The following AOX1 variants were observed in gnomAD, a reference collection of about 807,000 sequenced individuals.
The protein encoded by AOX1 is aldehyde oxidase 1.
Under a neutral mutation model 169.5 loss-of-function variants are expected in AOX1, and 153 were observed. The observed-to-expected ratio is 0.90, with a 90% CI of 0.79 to 1.03. The LOEUF (loss-of-function observed/expected upper bound fraction) is 1.03, where lower values mean the gene tolerates loss of function less well. Among genes scored for constraint, AOX1 ranks in the 50% least tolerant of loss-of-function variants. The pLI is 0.00. For synonymous variants in AOX1, 562 were observed against 581.9 expected (o/e 0.97, Z 0.49); for missense variants, 1,656 against 1,663.9 (o/e 1.00, Z 0.08).
At chr2:200,596,846 G>A (rs1192853318) in intron 3 of AOX1, among the ~76,000 whole-genome samples, 5 of 152,114 alleles carry the variant, frequency 3.3e-5, no homozygotes, top group Admixed American at 1.3e-4. Context: ...TATGTTCCTC[G>A]TATGGTTTAC....
intron 26 of AOX1, 72 bp from the exon 27 acceptor site, chr2:200,656,770 A>T (rs79540345): frequency 0.043 from 48,931 of 1,134,334 alleles, 1,304 homozygotes; most frequent in South Asian, 0.059. Flanking sequence ...TTCCAAGGAA[A>T]ATGTTTTAAT....
chr2:200,602,430 A>G (rs753620461), intron 6 of AOX1, 85 bp downstream of exon 6: 40 of 1,168,644 alleles, frequency 3.4e-5, no homozygotes, highest in African/African-American at 1.5e-4. Flanking sequence ...GGGGGCAGCC[A>G]TCTTACTAAT....
At chr2:200,602,221 T>A in intron 5 of AOX1, 63 bp from the exon 6 acceptor site, 1 of 1,387,092 alleles carries the variant, frequency 7.2e-7, no homozygotes, top group East Asian at 2.3e-5. Context: ...TCCATCACAC[T>A]CTTGGTAGAC....
downstream of AOX1, among the ~76,000 whole-genome samples, chr2:200,671,791 A>G (rs144248210): frequency 3.1e-3 from 477 of 152,336 alleles, 4 homozygotes; most frequent in African/African-American, 0.011. Flanking sequence ...GAAGTTAAAC[A>G]TAGAATTACC....
Position 200,642,625 on chromosome 2 carries a change from C to T in AOX1, c.2671C>T (p.Leu891Phe). 6.2e-7 allele frequency: 1 copy of T among 1,613,980 alleles called. No homozygotes were observed. Among genetic ancestry groups the T allele is most frequent in the Non-Finnish European group, 8.5e-7 (1 of 1,179,954 alleles). Residue 891 changes from leucine (L) to phenylalanine (F), a missense_variant, in exon 25 of 35, where the codon CTT becomes TTT. Coordinates refer to ENST00000374700, the MANE Select transcript of AOX1 (RefSeq NM_001159.4). ...ATTTCTCCAGGTGATAGAAATGGGACTTCTGAAAATGGACAATGCTTACAA... is the reference window on the plus strand; with the variant it reads ...ATTTCTCCAGGTGATAGAAATGGGATTTCTGAAAATGGACAATGCTTACAA... ...DESLFVIEMG[L>F]LKMDNAYKFP...
At position 200,604,697 on chromosome 2, in the gene AOX1, T is replaced by C; in HGVS notation, c.671T>C (p.Ile224Thr). Reference protein sequence around the residue: ...QELIFPPELMIMAEKQSQRTR... With the variant: ...QELIFPPELMTMAEKQSQRTR... Reference sequence around the variant, plus strand: ...GAATCCCTATTGCTTTTTCAATAGATAATGGCTGAGAAACAGTCGCAAAGG... The same window carrying C: ...GAATCCCTATTGCTTTTTCAATAGACAATGGCTGAGAAACAGTCGCAAAGG... The change falls in exon 9 of 35, where the codon ATA becomes ACA. Residue 224 changes from isoleucine to threonine, a missense_variant and splice_region_variant. Ile to Thr is a moderately conservative substitution (Grantham distance 89, BLOSUM62 -1). Transcript: ENST00000374700. The C allele has an allele frequency of 1.9e-6, 3 of 1,614,058 alleles. No individual in the cohort carries two copies. Among genetic ancestry groups the C allele is most frequent in the Non-Finnish European group, 2.5e-6 (3 of 1,179,982 alleles).
chr2:200,662,488 G>A (rs556930173), intron 30 of AOX1, among the ~76,000 whole-genome samples: 2 of 152,264 alleles, frequency 1.3e-5, no homozygotes, highest in East Asian at 3.9e-4. Flanking sequence ...GATAGACAAA[G>A]CAGGCAAGCA....
At chr2:200,653,164 T>C (rs192768370) in intron 26 of AOX1, among the ~76,000 whole-genome samples, 2 of 152,296 alleles carry the variant, frequency 1.3e-5, no homozygotes, top group East Asian at 3.9e-4. Context: ...AAAACACCTT[T>C]TGATAGGAAC....
intron 33 of AOX1, among the ~76,000 whole-genome samples, chr2:200,669,316 A>G (rs552663849): frequency 2.0e-5 from 3 of 151,976 alleles, no homozygotes; most frequent in Admixed American, 2.0e-4. Context: ...GTGGCGGTGC[A>G]TGTCTATAAT....
chr2:200,669,594 T>C lies in AOX1; in HGVS notation c.3818T>C (p.Val1273Ala), dbSNP rs772120366. The C allele has an allele frequency of 6.2e-7, 1 of 1,612,972 alleles. No homozygotes were observed. Among genetic ancestry groups the C allele is most frequent in the South Asian group, 1.1e-5 (1 of 90,990 alleles). Residue 1273 changes from valine (V) to alanine (A), a missense_variant, in exon 34 of 35, where the codon GTG (valine) becomes GCG (alanine). Physicochemically the swap from Val to Ala is moderately conservative, Grantham distance 64. Transcript: ENST00000374700. ...TTCAAGGGTCTGGGAGAGTCGGGGG[T>C]GTTCCTGGGGTGTTCCGTGTTTTTC... Reference protein sequence around the residue: ...YSSKGLGESGVFLGCSVFFAI... With the variant: ...YSSKGLGESGAFLGCSVFFAI...
chr2:200,669,694 G>A lies in AOX1; in HGVS notation c.3918G>A (p.Leu1306=). ...LHGPLTLNSP[L]TPEKIRMACE... ...GACCCTTGACCCTTAATAGTCCACT[G>A]ACCCCGGAGAAGATTAGGATGGCCT... The change falls in exon 34 of 35, where the codon CTG becomes CTA. Residue 1306 remains leucine (L), a synonymous_variant. Transcript: ENST00000374700. 2 of 1,613,990 alleles carry A rather than the reference G, an allele frequency of 1.2e-6. No individual in the cohort carries two copies. Among genetic ancestry groups the A allele is most frequent in the Non-Finnish European group, 1.7e-6 (2 of 1,180,000 alleles).
intron 5 of AOX1, among the ~76,000 whole-genome samples, chr2:200,601,885 A>G (rs2034423392): frequency 6.6e-6 from 1 of 152,070 alleles, no homozygotes; most frequent in Non-Finnish European, 1.5e-5. Flanking sequence ...ATGAGCTGAG[A>G]CTGCACCACC....
intron 32 of AOX1, among the ~76,000 whole-genome samples, chr2:200,667,767 G>A (rs973439478): frequency 1.3e-5 from 2 of 152,022 alleles, no homozygotes; most frequent in African/African-American, 4.8e-5. Flanking sequence ...GTGGGTGGAG[G>A]GCTTTTAGAG....
intron 28 of AOX1, among the ~76,000 whole-genome samples, chr2:200,659,786 TCACACA>T (rs56916091): frequency 5.6e-4 from 54 of 96,210 alleles, no homozygotes; most frequent in East Asian, 2.2e-3. Flanking sequence ...GTTCTCTCTC[TCACACA>T]CACACACACA....
chr2:200,665,332 A>C (rs1439302792), intron 31 of AOX1, among the ~76,000 whole-genome samples: 1 of 152,234 alleles, frequency 6.6e-6, no homozygotes, highest in Non-Finnish European at 1.5e-5. Flanking sequence ...GGTGAGGATT[A>C]TCCAGAGCCA....
intron 26 of AOX1, 38 bp downstream of exon 26, chr2:200,651,239 A>G: frequency 6.4e-7 from 1 of 1,572,016 alleles, no homozygotes. Flanking sequence ...GCTGCCTGGA[A>G]GCAGCCCTGA....
chr2:200,672,851 T>C (rs2036047822), downstream of AOX1, among the ~76,000 whole-genome samples: 1 of 152,120 alleles, frequency 6.6e-6, no homozygotes, highest in Non-Finnish European at 1.5e-5. Flanking sequence ...AGAGCATTAC[T>C]GGGGAGACAA....
At position 200,656,845 on chromosome 2, in the gene AOX1, G is replaced by A; in HGVS notation, c.3079G>A (p.Ala1027Thr). The part of the protein sequence containing the change: ...GLGSRAAGQA[A>T]ALVHIYLDGS... ...AGTTTTCGTCTTTTCTGCTCAGGCT[G>A]CTGCCTTGGTTCACATTTATCTTGA... The change falls in exon 27 of 35, where the codon GCT becomes ACT. Residue 1027 changes from alanine to threonine, a missense_variant. By Grantham distance (58) the Ala-to-Thr change is moderately conservative. Transcript: ENST00000374700. 1 of 1,571,062 alleles carries A rather than the reference G, an allele frequency of 6.4e-7. No homozygotes were observed.
intron 31 of AOX1, among the ~76,000 whole-genome samples, chr2:200,664,960 AG>A (rs1218539367): frequency 1.3e-5 from 2 of 152,168 alleles, no homozygotes; most frequent in African/African-American, 4.8e-5. Flanking sequence ...CTGGGGCAAC[AG>A]TCATCTCAAG....
Sources: allele counts gnomAD v4.1 joint callset (sites outside exome capture counted in the v4.1 genomes callset), GRCh38; gene constraint gnomAD v4.1.1; transcripts MANE v1.5; gene names NCBI Gene and HGNC (gene_info 2026-07-23, HGNC 2026-07-21).